The following RBM3 variants were observed in gnomAD, a reference collection of about 807,000 sequenced individuals.
RBM3 encodes the protein RNA-binding protein 3.
Under a neutral mutation model 12.0 loss-of-function variants are expected in RBM3, and 3 were observed. The ratio of observed to expected loss-of-function variants is 0.25; its 90% CI spans 0.11 to 0.65. RBM3 has a LOEUF of 0.65. Among genes scored for constraint, RBM3 ranks in the 30% least tolerant of loss-of-function variants. RBM3 has a pLI of 0.84. For synonymous variants in RBM3, 58 were observed against 45.7 expected (o/e 1.27, Z -1.08); for missense variants, 108 against 134.5 (o/e 0.80, Z 0.97).
At chrX:48,576,468 ATG>A in intron 4 of RBM3, 38 bp from the exon 5 acceptor site, 1 of 1,196,504 alleles carries the variant, frequency 8.4e-7, no homozygotes, top group Non-Finnish European at 1.1e-6. Flanking sequence ...AGAGTTGCCT[ATG>A]TGTGGACAAC....
intron 3 of RBM3, 64 bp from the exon 4 acceptor site, chrX:48,576,250 G>C (rs1556989171): frequency 2.6e-6 from 3 of 1,169,259 alleles, no homozygotes; most frequent in East Asian, 6.5e-5. Flanking sequence ...ACCCTTGCCT[G>C]CTCTTCCCTC....
At position 48,577,515 on chromosome X, in the gene RBM3, T is replaced by G; in HGVS notation, c.*74T>G. On this transcript the variant is annotated 3_prime_UTR_variant, in exon 7 of 7. Coordinates refer to ENST00000376759, the MANE Select transcript of RBM3 (RefSeq NM_006743.5). ...AGGATCGTCCTTCCAAATGGCTGTA[T>G]TTATAAAGGTTTTTGGAGCTGCACC... 1 of 1,022,195 alleles carries G rather than the reference T, an allele frequency of 9.8e-7. No homozygotes were observed. The highest frequency in any genetic ancestry group is 1.3e-6 in the Non-Finnish European group (1 of 782,767). 84.2% of individuals were successfully genotyped at this position (1,022,195 alleles called of 1,213,427 possible).
rs1556989276 is a variant in RBM3 at position 48,576,512 on chromosome X, TG to T, written c.325del (p.Asp109ThrfsTer89). 1.7e-6 allele frequency: 2 copies of T among 1,195,638 alleles called. No homozygotes were observed. The highest frequency in any genetic ancestry group is 1.8e-5 in the South Asian group (1 of 54,721). On this transcript the variant is annotated frameshift_variant, in exon 5 of 7. Transcript: ENST00000376759. LOFTEE classifies it high-confidence loss of function. ...GRGRSYSRGG[G>X]DQGYGSGRYY... is the part of the protein sequence containing the mutation. ...TTAAATATTTTTCTGCTCTAGGTGG[TG>T]GGGACCAGGGCTATGGGAGTGGCAG...
At chrX:48,576,485 A>G (rs782544781) in intron 4 of RBM3, 23 bp from the exon 5 acceptor site, 1 of 1,193,470 alleles carries the variant, frequency 8.4e-7, no homozygotes. Context: ...GACAACTGCC[A>G]TTTAAATATT....
chrX:48,575,257 TCAG>T lies in RBM3; in HGVS notation c.81_83del (p.Ser28del). The stretch of plus-strand genomic sequence containing the variant: ...GACGAGCAGGCACTGGAAGACCACT[TCAG>T]CAGTTTCGGACCTATCTCTGAGGGT... On this transcript the variant is annotated inframe_deletion, in exon 2 of 7. Transcript: ENST00000376759. 1 of 1,208,949 alleles carries T rather than the reference TCAG, an allele frequency of 8.3e-7. No individual in the cohort carries two copies. Among genetic ancestry groups the T allele is most frequent in the Non-Finnish European group, 1.1e-6 (1 of 893,985 alleles).
intron 1 of RBM3, 57 bp downstream of exon 1, chrX:48,574,630 G>A (rs1459362556): frequency 1.5e-5 from 5 of 330,818 alleles, no homozygotes; most frequent in African/African-American, 1.3e-4. Context: ...CGCCGCGCCG[G>A]CCGTGACCGG....
At position 48,575,255 on chromosome X, in the gene RBM3, C is replaced by T; in HGVS notation, c.75C>T (p.His25=). The T allele has an allele frequency of 3.3e-6, 4 of 1,209,702 alleles. No individual in the cohort carries two copies. The highest frequency in any genetic ancestry group is 4.5e-6 in the Non-Finnish European group (4 of 894,296). The change falls in exon 2 of 7, where the codon CAC becomes CAT. Residue 25 remains histidine (H), a synonymous_variant. Transcript: ENST00000376759. ...FNTDEQALED[H]FSSFGPISEV... is the part of the protein sequence containing the mutation. ...CCGACGAGCAGGCACTGGAAGACCA[C>T]TTCAGCAGTTTCGGACCTATCTCTG...
rs1346056861 is a variant in RBM3, at chrX:48,574,537, C to G, written c.-50C>G. 3.0e-6 allele frequency: 1 copy of G among 331,181 alleles called. No individual in the cohort carries two copies. Among genetic ancestry groups the G allele is most frequent in the Admixed American group, 3.1e-5 (1 of 32,132 alleles). The allele number at this position is 331,181 out of a possible 1,213,427, so 27.3% of individuals were successfully genotyped here. A position where few individuals can be genotyped will look rare whatever the true frequency, so the allele number is the denominator to read the frequency against. On this transcript the variant is annotated 5_prime_UTR_variant, in exon 1 of 7. Transcript: ENST00000376759. ...CCTGTTTTTTGTGCTCCTCCGAGCT[C>G]GCTGTTCGTCCGGGTTTTTTACGTT...
chrX:48,574,938 A>G (rs1414656532), intron 1 of RBM3: 1 of 441,173 alleles, frequency 2.3e-6, no homozygotes, highest in Non-Finnish European at 4.1e-6. Flanking sequence ...CGTGGCGGCT[A>G]TGAATGTGAG....
chrX:48,574,813 A>C (rs1556988823), intron 1 of RBM3: 1 of 339,443 alleles, frequency 2.9e-6, no homozygotes, highest in African/African-American at 2.6e-5. Context: ...GGCAGTGACC[A>C]CGCGACAGCC....
chrX:48,577,224 C>T (rs927859208), intron 6 of RBM3, 115 bp downstream of exon 6: 23 of 1,152,391 alleles, frequency 2.0e-5, no homozygotes, highest in Non-Finnish European at 2.3e-6. Flanking sequence ...CTCACCCAGC[C>T]AACCTACCAA....
In RBM3 at chrX:48,576,664, G is replaced by A. The variant is rs967394716; in HGVS notation, c.413+60G>A. The A allele has an allele frequency of 6.1e-6, 7 of 1,141,821 alleles. No individual in the cohort carries two copies. The African/African-American group carries it at 7.3e-5, about 12-fold the overall frequency. The allele number at this position is 1,141,821 out of a possible 1,213,427, so 94.1% of individuals were successfully genotyped here. A position where few individuals can be genotyped will look rare whatever the true frequency, so the allele number is the denominator to read the frequency against. ...GCTTCCCTCTCCTTAAGAACTCAGC[G>A]CCTGGGTGTTCATGCATACCACACC... On this transcript the variant is annotated intron_variant, in intron 5 of 6. Transcript: ENST00000376759.
rs1036562875 is a variant in RBM3, at chrX:48,574,513, C to G, written c.-74C>G. 1 of 330,704 alleles carries G rather than the reference C, an allele frequency of 3.0e-6. No individual in the cohort carries two copies. Among genetic ancestry groups the G allele is most frequent in the Non-Finnish European group, 5.9e-6 (1 of 169,986 alleles). The allele number at this position is 330,704 out of a possible 1,213,427, so 27.3% of individuals were successfully genotyped here. Reference sequence around the variant, plus strand: ...ATCGTCTTCCGGCGCAGCCCCGTCCCTGTTTTTTGTGCTCCTCCGAGCTCG... The same window carrying G: ...ATCGTCTTCCGGCGCAGCCCCGTCCGTGTTTTTTGTGCTCCTCCGAGCTCG... On this transcript the variant is annotated 5_prime_UTR_variant, in exon 1 of 7. Transcript: ENST00000376759.
rs2062080524 is a variant in RBM3, at chrX:48,576,471, T to A, written c.317-37T>A. The A allele has an allele frequency of 2.5e-6, 3 of 1,192,147 alleles. No individual in the cohort carries two copies. In the African/African-American group the frequency reaches 5.3e-5, roughly 21 times the overall value. On this transcript the variant is annotated intron_variant, in intron 4 of 6. Transcript: ENST00000376759. ...GGGGTGAGAGGGAGAGTTGCCTATG[T>A]GTGGACAACTGCCATTTAAATATTT...
chrX:48,577,191 C>A lies in RBM3; in HGVS notation c.*23+82C>A, dbSNP rs1460735227. Reference sequence around the variant, plus strand: ...TCTCACCTTTTCTGGCAAGACTGCTCTGCATTTCTGCTGCCCTCATACCTC... The same window carrying A: ...TCTCACCTTTTCTGGCAAGACTGCTATGCATTTCTGCTGCCCTCATACCTC... On this transcript the variant is annotated intron_variant, in intron 6 of 6. Transcript: ENST00000376759. 5.1e-6 allele frequency: 6 copies of A among 1,182,417 alleles called. No homozygotes were observed. In the Admixed American group the frequency reaches 1.2e-4, roughly 23 times the overall value.
chrX:48,576,621 C>T lies in RBM3; in HGVS notation c.413+17C>T, dbSNP rs1556989343. 1 of 1,164,234 alleles carries T rather than the reference C, an allele frequency of 8.6e-7. No individual in the cohort carries two copies. The highest frequency in any genetic ancestry group is 2.6e-5 in the Admixed American group (1 of 38,267). ...TAATGGCAGGTGGGTAGCCAAAGGGCTGGGATGTTCTCCTATTGCTTCCCT... is the reference window on the plus strand; with the variant it reads ...TAATGGCAGGTGGGTAGCCAAAGGGTTGGGATGTTCTCCTATTGCTTCCCT... On this transcript the variant is annotated intron_variant, in intron 5 of 6. Transcript: ENST00000376759.
rs180747939 is a variant in RBM3, at chrX:48,575,707, G to A, written c.210+40G>A. 346 of 1,133,743 alleles carry A rather than the reference G, an allele frequency of 3.1e-4. 1 individual carries two copies. The East Asian group carries it at 7.7e-3, about 25-fold the overall frequency. 93.4% of individuals were successfully genotyped at this position (1,133,743 alleles called of 1,213,427 possible). On this transcript the variant is annotated intron_variant, in intron 3 of 6. Coordinates refer to ENST00000376759, the MANE Select transcript of RBM3 (RefSeq NM_006743.5). ...CTGCAGAGGGACCTTGTCCCCATCT[G>A]CGGCTTCCTTCATTCTTTTTGTTTT... is the stretch of plus-strand genomic sequence containing the variant.
At chrX:48,577,169 C>T (rs2062084761) in intron 6 of RBM3, 60 bp downstream of exon 6, 4 of 1,201,749 alleles carry the variant, frequency 3.3e-6, no homozygotes, top group Non-Finnish European at 4.5e-6. Flanking sequence ...ATGACCCTCT[C>T]ACCTTTTCTG....
In RBM3 at chrX:48,579,579, TTTAG is replaced by T. The variant is rs1556990095; in HGVS notation, c.*2139_*2142del. Among the ~76,000 whole-genome samples, 1 of 111,557 alleles carries T rather than the reference TTTAG, an allele frequency of 9.0e-6. No homozygotes were observed. Among genetic ancestry groups the T allele is most frequent in the African/African-American group, 3.3e-5 (1 of 30,717 alleles). On this transcript the variant is annotated 3_prime_UTR_variant, in exon 7 of 7. Transcript: ENST00000376759. ...CTGAGGACGCATCTTATTCTGGGCCTTTAGGGAGCTAAGGCAGTGAGAATTGGCA... is the reference window on the plus strand; with the variant it reads ...CTGAGGACGCATCTTATTCTGGGCCTGGAGCTAAGGCAGTGAGAATTGGCA...
Sources: allele counts gnomAD v4.1 joint callset (sites outside exome capture counted in the v4.1 genomes callset), GRCh38; gene constraint gnomAD v4.1.1; transcripts MANE v1.5; gene names NCBI Gene and HGNC (gene_info 2026-07-23, HGNC 2026-07-21).